The following ZNF726 variants were observed in gnomAD, a reference collection of about 807,000 sequenced individuals.
The protein encoded by ZNF726 is zinc finger protein 92 pseudogene 3.
Under a neutral mutation model 11.6 loss-of-function variants are expected in ZNF726, and 15 were observed. That is an observed-to-expected ratio of 1.29 (90% CI 0.86 to 1.99). The LOEUF is 1.99. Among genes scored for constraint, ZNF726 ranks in the 30% most tolerant of loss-of-function variants. ZNF726 has a pLI of 0.00. For missense variants in ZNF726, 890 were observed against 725.6 expected, an observed-to-expected ratio of 1.23 and a Z score of -2.60; for synonymous variants, 295 against 243.6, an observed-to-expected ratio of 1.21 and a Z score of -1.96.
At chr19:23,915,111 C>A in intron 1 of ZNF726, 114 bp downstream of exon 1, 1 of 1,509,690 alleles carries the variant, frequency 6.6e-7, no homozygotes, top group Non-Finnish European at 9.2e-7. Flanking sequence ...AATCTGCGCC[C>A]GAGTTGTTGC....
At chr19:23,943,776 C>T (rs1388422799) in intron 4 of ZNF726, 2 of 405,894 alleles carry the variant, frequency 4.9e-6, no homozygotes, top group Non-Finnish European at 8.9e-6. Flanking sequence ...TTTCTAAGGA[C>T]TCTACTTCCT....
At chr19:23,917,509 C>G (rs1467969288) in intron 1 of ZNF726, among the ~76,000 whole-genome samples, 1 of 150,186 alleles carries the variant, frequency 6.7e-6, no homozygotes, top group African/African-American at 2.5e-5. Flanking sequence ...AAAAAAAAAT[C>G]TCTGTTCAAT....
At chr19:23,917,997 A>G (rs1230462356) in intron 1 of ZNF726, among the ~76,000 whole-genome samples, 1 of 152,112 alleles carries the variant, frequency 6.6e-6, no homozygotes, top group African/African-American at 2.4e-5. Flanking sequence ...CATTGGCTGG[A>G]GTTGGATGGC....
intron 4 of ZNF726, chr19:23,943,901 C>G (rs918386710): frequency 1.0e-5 from 2 of 191,076 alleles, no homozygotes; most frequent in Non-Finnish European, 2.1e-5. Flanking sequence ...AAAAATATCT[C>G]GAGTATTTTT....
chr19:23,923,190 A>G (rs1967895664), intron 3 of ZNF726, among the ~76,000 whole-genome samples: 1 of 152,132 alleles, frequency 6.6e-6, no homozygotes, highest in South Asian at 2.1e-4. Context: ...ATATTCTGCT[A>G]AATATATATA....
At chr19:23,937,699 G>C (rs1002870041), downstream of ZNF726, among the ~76,000 whole-genome samples, 1 of 151,788 alleles carries the variant, frequency 6.6e-6, no homozygotes, top group Non-Finnish European at 1.5e-5. Flanking sequence ...CATCCCAGAC[G>C]ATGGGCGGCC....
intron 1 of ZNF726, among the ~76,000 whole-genome samples, chr19:23,918,396 C>G (rs1405556517): frequency 6.6e-6 from 1 of 152,120 alleles, no homozygotes; most frequent in African/African-American, 2.4e-5. Context: ...TCGGGAGATA[C>G]CTGCTTATTA....
rs760674171 is a variant in ZNF726, at chr19:23,934,038, T to C, written c.*71T>C. On this transcript the variant is annotated 3_prime_UTR_variant, in exon 4 of 4. Coordinates refer to ENST00000594466, the MANE Select transcript of ZNF726 (RefSeq NM_001244038.2). ...GTCCTCAACGCTAAACATAAGAGGA[T>C]GCACACTGGAGAGAAACCCTACAAA... is the stretch of plus-strand genomic sequence containing the variant. 57 of 1,529,294 alleles carry C rather than the reference T, an allele frequency of 3.7e-5. No homozygotes were observed. Among genetic ancestry groups the C allele is most frequent in the Non-Finnish European group, 4.1e-5 (46 of 1,108,710 alleles). The allele number at this position is 1,529,294 out of a possible 1,614,324, so 94.7% of individuals were successfully genotyped here.
intron 3 of ZNF726, among the ~76,000 whole-genome samples, chr19:23,922,527 G>A (rs1967878603): frequency 6.6e-6 from 1 of 152,224 alleles, no homozygotes; most frequent in African/African-American, 2.4e-5. Flanking sequence ...AAGAGTTTGG[G>A]ATGGTTACAG....
downstream of ZNF726, among the ~76,000 whole-genome samples, chr19:23,936,861 C>G (rs1279569120): frequency 1.3e-5 from 2 of 152,062 alleles, no homozygotes; most frequent in Non-Finnish European, 2.9e-5. Flanking sequence ...CTACCTCTTT[C>G]TACACAGACA....
At chr19:23,927,055 G>T (rs1968004732) in intron 3 of ZNF726, among the ~76,000 whole-genome samples, 1 of 152,254 alleles carries the variant, frequency 6.6e-6, no homozygotes, top group Middle Eastern at 3.4e-3. Flanking sequence ...TCGGCTCACT[G>T]CAACCTCTGC....
chr19:23,917,672 T>C (rs754704958), intron 1 of ZNF726, among the ~76,000 whole-genome samples: 3 of 152,176 alleles, frequency 2.0e-5, no homozygotes, highest in Non-Finnish European at 4.4e-5. Context: ...GTTTGTTTAC[T>C]ACCTGATTTT....
chr19:23,943,594 G>T (rs530511958), intron 4 of ZNF726: 1 of 620,536 alleles, frequency 1.6e-6, no homozygotes, highest in Non-Finnish European at 3.0e-6. Flanking sequence ...ACTCAGGTAG[G>T]TAAGCATGAA....
At position 23,933,265 on chromosome 19, in the gene ZNF726, C is replaced by G; in HGVS notation, c.1149C>G (p.Thr383=). The G allele has an allele frequency of 6.2e-7, 1 of 1,610,386 alleles. No individual in the cohort carries two copies. ...GCAAAGCATTTATATGGCCCTCAAC[C>G]CTAACTAAACATAAGAGGATTCACA... ...ECGKAFIWPS[T]LTKHKRIHTG... Residue 383 remains threonine (T), a synonymous_variant, in exon 4 of 4, where the codon ACC becomes ACG. Transcript: ENST00000594466.
chr19:23,932,928 C>T lies in ZNF726; in HGVS notation c.812C>T (p.Thr271Ile). 1.2e-6 allele frequency: 2 copies of T among 1,610,754 alleles called. No individual in the cohort carries two copies. Among genetic ancestry groups the T allele is most frequent in the Non-Finnish European group, 1.7e-6 (2 of 1,179,180 alleles). The stretch of plus-strand genomic sequence containing the variant: ...GGCAAAGCATTTAGCCAATCCTCAA[C>T]ACTAACCATACATAAGAGGATACAT... ...ECGKAFSQSS[T>I]LTIHKRIHTG... The change falls in exon 4 of 4, where the codon ACA (threonine) becomes ATA (isoleucine). Residue 271 changes from threonine to isoleucine, a missense_variant. By Grantham distance (89) the Thr-to-Ile change is moderately conservative. Transcript: ENST00000594466.
At chr19:23,915,170 AGCCGGGCTCCCGGGCGTTCTGTC>A (rs1967666041) in intron 1 of ZNF726, among the ~76,000 whole-genome samples, 173 bp downstream of exon 1, 1 of 152,142 alleles carries the variant, frequency 6.6e-6, no homozygotes, top group Non-Finnish European at 1.5e-5. Context: ...CTGCGCTGAC[AGCCGGGCTCCCGGGCGTTCTGTC>A]TCTTCACTGC....
chr19:23,931,115 C>T (rs976917625), intron 3 of ZNF726, among the ~76,000 whole-genome samples: 1 of 152,138 alleles, frequency 6.6e-6, no homozygotes, highest in Non-Finnish European at 1.5e-5. Context: ...GGGCTGCAGG[C>T]ACCTGCCACC....
intron 1 of ZNF726, 107 bp downstream of exon 1, chr19:23,915,104 C>G (rs751972832): frequency 3.9e-4 from 600 of 1,552,612 alleles, no homozygotes; most frequent in Non-Finnish European, 4.8e-4. Flanking sequence ...GTTTTACAAT[C>G]TGCGCCCGAG....
In ZNF726 at chr19:23,933,544, T is replaced by C. The variant is rs754058348; in HGVS notation, c.1428T>C (p.Thr476=). Residue 476 remains threonine, a synonymous_variant, in exon 4 of 4, where the codon ACT becomes ACC. Coordinates refer to ENST00000594466, the MANE Select transcript of ZNF726 (RefSeq NM_001244038.2). ...TAACTACACATAAGAGGATGCACACTGGAGAGAAACCCTACAAATGTGAAG... is the reference window on the plus strand; with the variant it reads ...TAACTACACATAAGAGGATGCACACCGGAGAGAAACCCTACAAATGTGAAG... ...SALTTHKRMH[T]GEKPYKCEEC... is the part of the protein sequence containing the mutation. 20 of 1,612,812 alleles carry C rather than the reference T, an allele frequency of 1.2e-5. No homozygotes were observed. Among genetic ancestry groups the C allele is most frequent in the Non-Finnish European group, 1.6e-5 (19 of 1,179,962 alleles).
Sources: gnomAD v4.1 joint callset for allele counts (sites outside exome capture counted in the v4.1 genomes callset) on GRCh38, gnomAD v4.1.1 for gene constraint, MANE v1.5 for transcripts, NCBI Gene and HGNC (gene_info 2026-07-23, HGNC 2026-07-21) for gene names.